PEF1: variants seen among roughly 807,000 people sequenced by gnomAD.
PEF1 encodes penta-EF-hand domain containing 1.
PEF1 carries 17 observed loss-of-function variants against 32.0 expected under a neutral mutation model. That is an observed-to-expected ratio of 0.53 (90% CI 0.36 to 0.80). PEF1 has a LOEUF of 0.80. Among genes scored for constraint, PEF1 ranks in the 30% least tolerant of loss-of-function variants. The pLI, the probability that PEF1 is intolerant of heterozygous loss-of-function variation, is 0.00. For synonymous variants in PEF1, 130 were observed against 139.8 expected, an observed-to-expected ratio of 0.93 and a Z score of 0.50; for missense variants, 362 against 369.1, an observed-to-expected ratio of 0.98 and a Z score of 0.16.
At chr1:31,640,072 AC>A (rs1412842368) in intron 1 of PEF1, among the ~76,000 whole-genome samples, 7 of 152,200 alleles carry the variant, frequency 4.6e-5, no homozygotes, top group Non-Finnish European at 7.3e-5. Context: ...GAGGGGAAGG[AC>A]AGGAAGAGTT....
rs1010193589 is a variant in PEF1 at position 31,629,940 on chromosome 1, T to G, written c.*673A>C. Reference sequence around the variant, plus strand: ...GCCCCAAATGAAAAAAAATGCAAATTAAAAAAAGTATTGGCAGGGAGAGGT... The same window carrying G: ...GCCCCAAATGAAAAAAAATGCAAATGAAAAAAAGTATTGGCAGGGAGAGGT... On this transcript the variant is annotated 3_prime_UTR_variant, in exon 5 of 5. Transcript: ENST00000373703. 1 of 151,932 alleles carries G rather than the reference T, an allele frequency of 6.6e-6. No homozygotes were observed. The highest frequency in any genetic ancestry group is 2.4e-5 in the African/African-American group (1 of 41,306). The allele number at this position is 151,932 out of a possible 1,614,324, so 9.4% of individuals were successfully genotyped here.
chr1:31,630,966 G>T, intron 4 of PEF1, 124 bp from the exon 5 acceptor site: 1 of 807,408 alleles, frequency 1.2e-6, no homozygotes, highest in Non-Finnish European at 2.0e-6. Flanking sequence ...AGCACAAAGA[G>T]GGTAGAGAAA....
At chr1:31,638,355 T>TC (rs1640311496) in intron 1 of PEF1, among the ~76,000 whole-genome samples, 1 of 151,752 alleles carries the variant, frequency 6.6e-6, no homozygotes, top group South Asian at 2.1e-4. Flanking sequence ...ACCCAATGAC[T>TC]CCCCCTGCCT....
rs756072857 is a variant in PEF1, at chr1:31,635,356, T to A, written c.191A>T (p.Tyr64Phe). ...PYGPPAGGGP[Y>F]GHPNPGMFPS... ...GAACATCCCAGGATTGGGGTGTCCA[T>A]AGGGCCCTCCACCAGCTGGTGGTCC... The change falls in exon 2 of 5, where the codon TAT (tyrosine) becomes TTT (phenylalanine). Residue 64 changes from tyrosine (Y) to phenylalanine (F), a missense_variant. By Grantham distance (22) the Tyr-to-Phe change is conservative. Coordinates refer to ENST00000373703, the MANE Select transcript of PEF1 (RefSeq NM_012392.4). 1 of 1,613,774 alleles carries A rather than the reference T, an allele frequency of 6.2e-7. No homozygotes were observed. Among genetic ancestry groups the A allele is most frequent in the African/African-American group, 1.3e-5 (1 of 74,898 alleles).
At chr1:31,631,124 A>G (rs1640089933) in intron 4 of PEF1, among the ~76,000 whole-genome samples, 1 of 152,172 alleles carries the variant, frequency 6.6e-6, no homozygotes, top group South Asian at 2.1e-4. Context: ...ACGACAACGG[A>G]CTATCCGCAA....
At chr1:31,632,716 C>T in intron 3 of PEF1, 78 bp from the exon 4 acceptor site, 1 of 1,510,706 alleles carries the variant, frequency 6.6e-7, no homozygotes, top group Non-Finnish European at 9.0e-7. Flanking sequence ...CCCATTGAGG[C>T]AGCCCTTCTC....
At position 31,635,512 on chromosome 1, in the gene PEF1, C is replaced by T; in HGVS notation, c.35G>A (p.Gly12Glu). ...ASYPYRQGCPGAAGQAPGAPP... is the reference protein window; with the variant it reads ...ASYPYRQGCPEAAGQAPGAPP... ...GGCTCCTGGTGCTTGTCCTGCAGCT[C>T]CTGGGCAGCCCTGCAGGAAGAGCAA... The change falls in exon 2 of 5, where the codon GGA (glycine) becomes GAA (glutamate). Residue 12 changes from glycine (G) to glutamate (E), a missense_variant. Gly to Glu is a moderately conservative substitution (Grantham distance 98, BLOSUM62 -2). Coordinates refer to ENST00000373703, the MANE Select transcript of PEF1 (RefSeq NM_012392.4). 1 of 1,512,612 alleles carries T rather than the reference C, an allele frequency of 6.6e-7. No homozygotes were observed. The highest frequency in any genetic ancestry group is 8.8e-7 in the Non-Finnish European group (1 of 1,130,856). 93.7% of individuals were successfully genotyped at this position (1,512,612 alleles called of 1,614,324 possible).
intron 1 of PEF1, chr1:31,644,374 G>A (rs997427252): frequency 4.0e-6 from 4 of 1,008,252 alleles, no homozygotes; most frequent in Non-Finnish European, 4.7e-6. Flanking sequence ...GGTCAAACCA[G>A]CTCACTTGTG....
intron 1 of PEF1, among the ~76,000 whole-genome samples, chr1:31,637,821 G>A (rs1640297776): frequency 6.6e-6 from 1 of 152,092 alleles, no homozygotes; most frequent in Non-Finnish European, 1.5e-5. Context: ...CCCTCACAGT[G>A]ACTGAAAAGA....
intron 1 of PEF1, among the ~76,000 whole-genome samples, chr1:31,638,511 T>C (rs1640315661): frequency 6.6e-6 from 1 of 152,210 alleles, no homozygotes; most frequent in Non-Finnish European, 1.5e-5. Context: ...ATAAGCCCTG[T>C]GAGCAAAGCT....
chr1:31,637,666 A>G lies in PEF1; in HGVS notation c.25-2144T>C, dbSNP rs56343446. Among the ~76,000 whole-genome samples, 523 of 130,188 alleles carry G rather than the reference A, an allele frequency of 4.0e-3. 1 individual carries two copies. Among genetic ancestry groups the G allele is most frequent in the Non-Finnish European group, 7.1e-3 (422 of 59,338 alleles). 85.4% of individuals were successfully genotyped at this position (130,188 alleles called of 152,430 possible). On this transcript the variant is annotated intron_variant, in intron 1 of 4. Transcript: ENST00000373703. ...TCCAAAAAAAAAAAAAAAAAAAAAA[A>G]AGAGAGAGAGAAAGAAAGAATCCTT... is the stretch of plus-strand genomic sequence containing the variant.
chr1:31,630,412 T>A lies in PEF1; in HGVS notation c.*201A>T. Reference sequence around the variant, plus strand: ...TATCCTCTCCTCCATCAGGCCCCTATCTGTGTGGCCTCAGCCCCGGTCCTC... The same window carrying A: ...TATCCTCTCCTCCATCAGGCCCCTAACTGTGTGGCCTCAGCCCCGGTCCTC... On this transcript the variant is annotated 3_prime_UTR_variant, in exon 5 of 5. Coordinates refer to ENST00000373703, the MANE Select transcript of PEF1 (RefSeq NM_012392.4). 1.7e-6 allele frequency: 1 copy of A among 603,440 alleles called. No individual in the cohort carries two copies. The highest frequency in any genetic ancestry group is 2.9e-6 in the Non-Finnish European group (1 of 343,564). 37.4% of individuals were successfully genotyped at this position (603,440 alleles called of 1,614,324 possible).
At chr1:31,633,544 C>T (rs748637436) in intron 2 of PEF1, among the ~76,000 whole-genome samples, 12 of 152,132 alleles carry the variant, frequency 7.9e-5, no homozygotes, top group Non-Finnish European at 1.3e-4. Flanking sequence ...TATAGTGTTC[C>T]AGACACTACT....
At chr1:31,635,610 A>G in intron 1 of PEF1, 88 bp from the exon 2 acceptor site, 1 of 1,267,618 alleles carries the variant, frequency 7.9e-7, no homozygotes, top group Non-Finnish European at 1.0e-6. Context: ...CACTTCCACC[A>G]CCATCCTTTC....
chr1:31,633,244 G>C lies in PEF1; in HGVS notation c.396C>G (p.Gly132=). 2 of 1,614,114 alleles carry C rather than the reference G, an allele frequency of 1.2e-6. No homozygotes were observed. Among genetic ancestry groups the C allele is most frequent in the Non-Finnish European group, 1.7e-6 (2 of 1,180,014 alleles). Residue 132 remains glycine, a synonymous_variant, in exon 3 of 5, where the codon GGC becomes GGG. Coordinates refer to ENST00000373703, the MANE Select transcript of PEF1 (RefSeq NM_012392.4). ...GCTTTAGCTCCTTCATGGAGATATA[G>C]CCACTGTGATCTGAGTCCACCGACT... ...WFQSVDSDHS[G]YISMKELKQA...
chr1:31,644,481 G>A (rs910036704), intron 1 of PEF1: 21 of 1,218,490 alleles, frequency 1.7e-5, no homozygotes, highest in East Asian at 4.0e-5. Context: ...TGAGATCGGC[G>A]GAACCAGAAC....
chr1:31,632,318 C>T (rs756232512), intron 4 of PEF1, 177 bp downstream of exon 4: 3 of 1,121,532 alleles, frequency 2.7e-6, no homozygotes, highest in South Asian at 2.6e-5. Flanking sequence ...TGGCTCTTGG[C>T]TCAGTGCCCC....
chr1:31,642,303 C>T lies in PEF1; in HGVS notation c.24+2538G>A, dbSNP rs1472559612. ...CTGAGTCTCAGACTTTTGCAACAAACTTCTGCAAGGGAGTGACAAAGCAGG... is the reference window on the plus strand; with the variant it reads ...CTGAGTCTCAGACTTTTGCAACAAATTTCTGCAAGGGAGTGACAAAGCAGG... On this transcript the variant is annotated intron_variant, in intron 1 of 4. Coordinates refer to ENST00000373703, the MANE Select transcript of PEF1 (RefSeq NM_012392.4). Among the ~76,000 whole-genome samples, 3 of 152,168 alleles carry T rather than the reference C, an allele frequency of 2.0e-5. No individual in the cohort carries two copies. In the East Asian group the frequency reaches 5.8e-4, roughly 29 times the overall value.
At chr1:31,644,381 T>G in intron 1 of PEF1, 4 of 1,011,788 alleles carry the variant, frequency 4.0e-6, no homozygotes, top group Non-Finnish European at 4.7e-6. Context: ...CCAGCTCACT[T>G]GTGGCGCCTG....
Sources: gnomAD v4.1 joint callset for allele counts (sites outside exome capture counted in the v4.1 genomes callset) on GRCh38, gnomAD v4.1.1 for gene constraint, MANE v1.5 for transcripts, NCBI Gene and HGNC (gene_info 2026-07-23, HGNC 2026-07-21) for gene names.